Variants in ANKIB1 observed in about 807,000 individuals in gnomAD.
ANKIB1 encodes ankyrin repeat and IBR domain containing 1.
A neutral mutation model predicts 122.1 loss-of-function variants in ANKIB1; 43 were observed. That is an observed-to-expected ratio of 0.35 (90% CI 0.28 to 0.45). ANKIB1 has a LOEUF of 0.45. Ranked by LOEUF, ANKIB1 falls within the 20% of genes least tolerant of loss-of-function variation. The pLI, the probability that ANKIB1 is intolerant of heterozygous loss-of-function variation, is 1.00. For missense variants in ANKIB1, 992 were observed against 1,329.5 expected, an observed-to-expected ratio of 0.75 and a Z score of 3.95; for synonymous variants, 390 against 442.0, an observed-to-expected ratio of 0.88 and a Z score of 1.48.
intron 7 of ANKIB1, among the ~76,000 whole-genome samples, chr7:92,347,403 A>G (rs1229747823): frequency 1.3e-5 from 2 of 152,206 alleles, no homozygotes; most frequent in African/African-American, 2.4e-5. Context: ...AAGCCAAAAC[A>G]TTGGACACCC....
chr7:92,259,175 C>T (rs1238429395), intron 1 of ANKIB1, among the ~76,000 whole-genome samples: 4 of 152,090 alleles, frequency 2.6e-5, no homozygotes, highest in Admixed American at 1.3e-4. Context: ...AGGCTGGTCT[C>T]GGACTCTTGA....
intron 1 of ANKIB1, among the ~76,000 whole-genome samples, chr7:92,285,053 G>C (rs997397636): frequency 2.9e-4 from 44 of 152,086 alleles, no homozygotes; most frequent in African/African-American, 9.9e-4. Context: ...TTAAATCTTG[G>C]AGTAGAGGCT....
chr7:92,339,188 C>T (rs1803380956), intron 5 of ANKIB1, among the ~76,000 whole-genome samples: 1 of 149,854 alleles, frequency 6.7e-6, no homozygotes, highest in Non-Finnish European at 1.5e-5. Context: ...ACAACAGGCA[C>T]CTGCCACCAC....
intron 2 of ANKIB1, among the ~76,000 whole-genome samples, chr7:92,305,903 A>G (rs939262810): frequency 6.6e-6 from 1 of 152,182 alleles, no homozygotes; most frequent in South Asian, 2.1e-4. Flanking sequence ...GCAGGGAATG[A>G]GGAGTGGATG....
At chr7:92,268,802 A>G (rs1246995222) in intron 1 of ANKIB1, among the ~76,000 whole-genome samples, 1 of 152,190 alleles carries the variant, frequency 6.6e-6, no homozygotes, top group Non-Finnish European at 1.5e-5. Flanking sequence ...CTTTGACTTA[A>G]TATTAACACT....
chr7:92,287,840 C>T (rs896636626), intron 1 of ANKIB1, among the ~76,000 whole-genome samples: 12 of 151,996 alleles, frequency 7.9e-5, no homozygotes, highest in African/African-American at 2.9e-4. Flanking sequence ...TCGAGACCAT[C>T]CTGGCTAACA....
intron 10 of ANKIB1, among the ~76,000 whole-genome samples, chr7:92,367,828 C>T (rs949266320): frequency 3.3e-5 from 5 of 152,102 alleles, no homozygotes; most frequent in African/African-American, 1.2e-4. Context: ...ATGGGACATA[C>T]TCAATAAACT....
intron 1 of ANKIB1, among the ~76,000 whole-genome samples, chr7:92,280,394 G>A (rs1467411616): frequency 2.2e-5 from 3 of 139,192 alleles, no homozygotes; most frequent in Admixed American, 7.4e-5. Context: ...GGATGGAAAC[G>A]CAAGGGTGAT....
intron 5 of ANKIB1, among the ~76,000 whole-genome samples, chr7:92,329,129 G>A (rs1803099556): frequency 2.6e-5 from 4 of 151,580 alleles, no homozygotes; most frequent in South Asian, 4.2e-4. Flanking sequence ...CACCACACCC[G>A]GCTAATTTTT....
chr7:92,314,003 T>C (rs1802743022), intron 3 of ANKIB1, among the ~76,000 whole-genome samples: 2 of 152,096 alleles, frequency 1.3e-5, no homozygotes, highest in African/African-American at 4.8e-5. Context: ...AATTGAGCCA[T>C]TGAAAATTTT....
intron 3 of ANKIB1, among the ~76,000 whole-genome samples, chr7:92,311,305 A>G (rs181498964): frequency 6.6e-6 from 1 of 152,112 alleles, no homozygotes; most frequent in South Asian, 2.1e-4. Flanking sequence ...CTATCCATGG[A>G]ACCTTGCATG....
chr7:92,252,662 G>A (rs1046404404), intron 1 of ANKIB1, among the ~76,000 whole-genome samples: 3 of 151,968 alleles, frequency 2.0e-5, no homozygotes, highest in African/African-American at 7.2e-5. Context: ...GTTCTGATTT[G>A]TTGCTATTGT....
intron 12 of ANKIB1, 111 bp downstream of exon 12, chr7:92,386,754 A>G: frequency 9.7e-7 from 1 of 1,034,376 alleles, no homozygotes; most frequent in African/African-American, 1.7e-5. Context: ...AATTGAATAT[A>G]CTTTATTATA....
chr7:92,256,894 T>G (rs561019313), intron 1 of ANKIB1, among the ~76,000 whole-genome samples: 1 of 152,274 alleles, frequency 6.6e-6, no homozygotes, highest in African/African-American at 2.4e-5. Flanking sequence ...TTAGAAAAAT[T>G]GTCACAAGGG....
Position 92,381,120 on chromosome 7 carries a change from C to G in ANKIB1, c.1618-5389C>G, listed in dbSNP as rs183087681. Among the ~76,000 whole-genome samples the G allele has an allele frequency of 2.4e-3, 359 of 152,104 alleles. 2 individuals are homozygous for G. The highest frequency in any genetic ancestry group is 8.1e-3 in the African/African-American group (337 of 41,480). ...AACTATGTGACGCATGCATAAGCTTCAAGTGGAAGAAAAGGTATCAGTGAT... is the reference window on the plus strand; with the variant it reads ...AACTATGTGACGCATGCATAAGCTTGAAGTGGAAGAAAAGGTATCAGTGAT... On this transcript the variant is annotated intron_variant, in intron 11 of 19. Transcript: ENST00000265742.
intron 5 of ANKIB1, among the ~76,000 whole-genome samples, chr7:92,333,042 C>A (rs1022499121): frequency 3.3e-5 from 5 of 152,182 alleles, no homozygotes; most frequent in African/African-American, 9.7e-5. Flanking sequence ...GACATTTCCT[C>A]TCCCATCCTG....
intron 11 of ANKIB1, among the ~76,000 whole-genome samples, chr7:92,383,722 G>A (rs1267833426): frequency 1.3e-5 from 2 of 152,118 alleles, no homozygotes; most frequent in Non-Finnish European, 2.9e-5. Context: ...AATAGTCTAG[G>A]TATTGATGGA....
rs573482370 is a variant in ANKIB1, at chr7:92,320,739, C to T, written c.669+1227C>T. On this transcript the variant is annotated intron_variant, in intron 4 of 19. Coordinates refer to ENST00000265742, the MANE Select transcript of ANKIB1 (RefSeq NM_019004.2). ...CTGAGCTACTGTAATAGTTTCCTTA[C>T]TGGTCTTCTTCCTTCTATTCTTGTA... Among the ~76,000 whole-genome samples the T allele has an allele frequency of 5.3e-5, 8 of 152,282 alleles. No individual in the cohort carries two copies. The South Asian group carries it at 1.7e-3, about 32-fold the overall frequency.
At chr7:92,345,100 C>A (rs916509445) in intron 7 of ANKIB1, 34 bp downstream of exon 7, 27 of 1,373,360 alleles carry the variant, frequency 2.0e-5, no homozygotes, top group African/African-American at 1.9e-4. Flanking sequence ...TCTCTTACTG[C>A]ATGATAGCAC....
Sources: allele counts gnomAD v4.1 joint callset (sites outside exome capture counted in the v4.1 genomes callset), GRCh38; gene constraint gnomAD v4.1.1; transcripts MANE v1.5; gene names NCBI Gene and HGNC (gene_info 2026-07-23, HGNC 2026-07-21).